Variants in TTC39B observed in about 807,000 individuals in gnomAD.
The protein encoded by TTC39B is tetratricopeptide repeat domain 39B, also known as tetratricopeptide repeat protein 39B.
Under a neutral mutation model 96.6 loss-of-function variants are expected in TTC39B, and 92 were observed. The observed-to-expected ratio is 0.95, with a 90% CI of 0.80 to 1.13. The LOEUF (loss-of-function observed/expected upper bound fraction) is 1.13, where lower values mean the gene tolerates loss of function less well. Ranked by LOEUF, TTC39B falls within the 50% of genes most tolerant of loss-of-function variation. The pLI is 0.00. For synonymous variants in TTC39B, 367 were observed against 299.4 expected (o/e 1.23, Z -2.33); for missense variants, 955 against 809.3 (o/e 1.18, Z -2.18).
intron 18 of TTC39B, among the ~76,000 whole-genome samples, chr9:15,175,564 G>T (rs767265992): frequency 1.4e-4 from 22 of 152,028 alleles, no homozygotes; most frequent in Non-Finnish European, 2.6e-4. Flanking sequence ...TAAAGAAATG[G>T]TCAACACTTC....
chr9:15,188,656 A>G (rs1427006701), intron 13 of TTC39B, among the ~76,000 whole-genome samples: 3 of 152,224 alleles, frequency 2.0e-5, no homozygotes, highest in African/African-American at 7.2e-5. Flanking sequence ...AAACTAGGCA[A>G]TATAAACTTA....
At chr9:15,294,565 T>G (rs1159616517) in intron 1 of TTC39B, among the ~76,000 whole-genome samples, 1 of 152,234 alleles carries the variant, frequency 6.6e-6, no homozygotes, top group Non-Finnish European at 1.5e-5. Flanking sequence ...TAGATAGAGC[T>G]GGAACAGATG....
exon 20 of TTC39B, chr9:15,167,001 TATATATATA>T (rs1817534137): frequency 1.9e-4 from 2 of 10,696 alleles, no homozygotes; most frequent in African/African-American, 5.1e-4. Context: ...TATATATATA[TATATATATA>T]TATATATATA....
chr9:15,281,014 T>A lies in TTC39B; in HGVS notation c.241-13066A>T, dbSNP rs1350796393. On this transcript the variant is annotated intron_variant, in intron 1 of 19. Coordinates refer to ENST00000512701, the Ensembl canonical transcript of TTC39B. ...TGAGAAGAATAATTTATTTCTTTTT[T>A]CTTTCTTTTTTGTCTTTTTTTTTGT... Among the ~76,000 whole-genome samples, 6 of 151,640 alleles carry A rather than the reference T, an allele frequency of 4.0e-5. No homozygotes were observed. The South Asian group carries it at 1.0e-3, about 26-fold the overall frequency.
intron 8 of TTC39B, among the ~76,000 whole-genome samples, chr9:15,194,229 A>G (rs1666755615): frequency 6.6e-6 from 1 of 152,216 alleles, no homozygotes; most frequent in African/African-American, 2.4e-5. Flanking sequence ...AAGCCTTTAT[A>G]TTTAAGAATT....
At chr9:15,200,278 T>C (rs1462673975) in intron 7 of TTC39B, among the ~76,000 whole-genome samples, 2 of 152,172 alleles carry the variant, frequency 1.3e-5, no homozygotes, top group South Asian at 2.1e-4. Flanking sequence ...GAATGTAAAA[T>C]GGATGACTTT....
chr9:15,264,898 C>T (rs1048094810), intron 2 of TTC39B, among the ~76,000 whole-genome samples: 3 of 151,992 alleles, frequency 2.0e-5, no homozygotes, highest in African/African-American at 7.3e-5. Flanking sequence ...GAGAACCAGA[C>T]AATGCTAATA....
At chr9:15,221,365 T>C (rs1820832778) in intron 3 of TTC39B, among the ~76,000 whole-genome samples, 1 of 152,212 alleles carries the variant, frequency 6.6e-6, no homozygotes, top group South Asian at 2.1e-4. Context: ...GTGGGCTATA[T>C]AACTCATTAC....
chr9:15,184,197 T>C (rs1472226888), intron 16 of TTC39B, among the ~76,000 whole-genome samples: 1 of 152,200 alleles, frequency 6.6e-6, no homozygotes, highest in African/African-American at 2.4e-5. Context: ...CTATCAGTAC[T>C]TATTTAAATT....
chr9:15,281,668 C>A (rs1423198948), intron 1 of TTC39B, among the ~76,000 whole-genome samples: 1 of 133,518 alleles, frequency 7.5e-6, no homozygotes, highest in African/African-American at 3.5e-5. Flanking sequence ...AAGCTAAATG[C>A]CTCTTCTGCA....
At chr9:15,288,478 G>A (rs1824060990) in intron 1 of TTC39B, among the ~76,000 whole-genome samples, 5 of 152,128 alleles carry the variant, frequency 3.3e-5, no homozygotes, top group Admixed American at 3.3e-4. Flanking sequence ...GGGGATGGTT[G>A]GAGAGGAGAT....
chr9:15,227,918 C>T (rs1821213132), intron 2 of TTC39B, among the ~76,000 whole-genome samples: 1 of 150,888 alleles, frequency 6.6e-6, no homozygotes, highest in Non-Finnish European at 1.5e-5. Context: ...AAAACCTTCC[C>T]TCTACAAAGA....
intron 16 of TTC39B, among the ~76,000 whole-genome samples, chr9:15,184,794 T>C (rs967437876): frequency 3.3e-5 from 5 of 152,238 alleles, no homozygotes; most frequent in African/African-American, 7.2e-5. Flanking sequence ...TGTATATATC[T>C]CATGGATAAG....
At chr9:15,214,194 A>G (rs374812183) in exon 4 of TTC39B, 18 of 1,614,178 alleles carry the variant, frequency 1.1e-5, no homozygotes, top group East Asian at 8.9e-5. Flanking sequence ...AATAAGTTCA[A>G]TGCCACAGCA....
At chr9:15,292,480 A>T (rs1280035766) in intron 1 of TTC39B, among the ~76,000 whole-genome samples, 1 of 152,224 alleles carries the variant, frequency 6.6e-6, no homozygotes, top group African/African-American at 2.4e-5. Context: ...TATTTATTAT[A>T]CTGTACTATT....
exon 20 of TTC39B, chr9:15,168,043 A>T (rs918188025): frequency 6.6e-6 from 1 of 152,242 alleles, no homozygotes; most frequent in Non-Finnish European, 1.5e-5. Context: ...TATGTGAAGC[A>T]CAAATCAGGT....
chr9:15,279,756 C>G, intron 1 of TTC39B, among the ~76,000 whole-genome samples: 1 of 152,088 alleles, frequency 6.6e-6, no homozygotes, highest in Non-Finnish European at 1.5e-5. Context: ...TCCTAAGTCA[C>G]CTTCTCTGTG....
intron 15 of TTC39B, 149 bp from the exon 16 acceptor site, chr9:15,185,555 C>A: frequency 8.1e-7 from 1 of 1,229,206 alleles, no homozygotes; most frequent in Non-Finnish European, 1.1e-6. Flanking sequence ...TTTTCAGGCC[C>A]TACTCTAGAC....
intron 1 of TTC39B, among the ~76,000 whole-genome samples, chr9:15,271,554 G>T (rs62570818): frequency 7.8e-4 from 119 of 152,206 alleles, no homozygotes; most frequent in Non-Finnish European, 1.3e-3. Flanking sequence ...TCACAGTAGG[G>T]TTAGCTCTCC....
Sources: gnomAD v4.1 joint callset for allele counts (sites outside exome capture counted in the v4.1 genomes callset) on GRCh38, gnomAD v4.1.1 for gene constraint, MANE v1.5 for transcripts, NCBI Gene and HGNC (gene_info 2026-07-23, HGNC 2026-07-21) for gene names.